Variants in WDR33 observed in about 807,000 individuals in gnomAD.
The protein encoded by WDR33 is WD repeat domain 33.
A neutral mutation model predicts 164.9 loss-of-function variants in WDR33; 47 were observed. The observed-to-expected ratio is 0.29, with a 90% CI of 0.23 to 0.36. The LOEUF (loss-of-function observed/expected upper bound fraction) is 0.36, where lower values mean the gene tolerates loss of function less well. Among genes scored for constraint, WDR33 ranks in the 10% least tolerant of loss-of-function variants. The probability of loss-of-function intolerance (pLI) is 1.00; values close to 1 mark genes in which losing one functional copy is unlikely to be tolerated. For synonymous variants in WDR33, 505 were observed against 589.0 expected, an observed-to-expected ratio of 0.86 and a Z score of 2.06; for missense variants, 1,137 against 1,754.1, an observed-to-expected ratio of 0.65 and a Z score of 6.28.
intron 17 of WDR33, among the ~76,000 whole-genome samples, chr2:127,715,088 C>CTT (rs386391178): frequency 0.011 from 1,230 of 108,508 alleles, 15 homozygotes; most frequent in African/African-American, 0.024. Context: ...TTCTTTGTTT[C>CTT]TTTTTTTTTT....
At chr2:127,711,780 A>ATATTTTTTTTTTTTTTT in intron 18 of WDR33, among the ~76,000 whole-genome samples, 5 of 88,308 alleles carry the variant, frequency 5.7e-5, no homozygotes, top group South Asian at 9.2e-4. Context: ...ATATATATAT[A>ATATTTTTTTTTTTTTTT]TTTTTTTTTT....
chr2:127,788,436 C>A lies in WDR33; in HGVS notation c.-23-17432G>T, dbSNP rs1303616822. Among the ~76,000 whole-genome samples, 23 of 129,162 alleles carry A rather than the reference C, an allele frequency of 1.8e-4. 1 individual carries two copies. The highest frequency in any genetic ancestry group is 6.9e-4 in the African/African-American group (22 of 32,036). 84.7% of individuals were successfully genotyped at this position (129,162 alleles called of 152,430 possible). A position where few individuals can be genotyped will look rare whatever the true frequency, so the allele number is the denominator to read the frequency against. ...CCGGGCGGAGGGCTGACCCCCCCCA[C>A]CTCCCTCCCGGACGGGGCGGCTGGC... On this transcript the variant is annotated intron_variant, in intron 1 of 21. Coordinates refer to ENST00000322313, the MANE Select transcript of WDR33 (RefSeq NM_018383.5).
rs538802540 is a variant in WDR33, at chr2:127,778,689, A to C, written c.-23-7685T>G. Reference sequence around the variant, plus strand: ...ACTTACAGCACCAATCAGCCTTAAGAAGCTTAAATTCTGAGTAAAGTGAGG... The same window carrying C: ...ACTTACAGCACCAATCAGCCTTAAGCAGCTTAAATTCTGAGTAAAGTGAGG... On this transcript the variant is annotated intron_variant, in intron 1 of 21. Coordinates refer to ENST00000322313, the MANE Select transcript of WDR33 (RefSeq NM_018383.5). Among the ~76,000 whole-genome samples the C allele has an allele frequency of 3.3e-5, 5 of 152,274 alleles. No homozygotes were observed. In the East Asian group the frequency reaches 9.6e-4, roughly 29 times the overall value.
intron 1 of WDR33, among the ~76,000 whole-genome samples, chr2:127,795,383 G>A (rs564078524): frequency 4.6e-5 from 7 of 152,026 alleles, no homozygotes; most frequent in Non-Finnish European, 8.8e-5. Flanking sequence ...AAAGGCGTGA[G>A]CCATCGTGCC....
In WDR33 at chr2:127,702,845, G is replaced by C. The variant is rs1017661337; in HGVS notation, c.*3478C>G. The C allele has an allele frequency of 2.4e-5, 4 of 166,728 alleles. No homozygotes were observed. The highest frequency in any genetic ancestry group is 9.7e-5 in the African/African-American group (4 of 41,436). 10.3% of individuals were successfully genotyped at this position (166,728 alleles called of 1,614,324 possible). ...GAAATTTCCTGCCCCAAGAAGCATG[G>C]GATCCAGGAAGGGGCGCGTAGATGC... On this transcript the variant is annotated 3_prime_UTR_variant, in exon 22 of 22. Transcript: ENST00000322313.
Position 127,720,102 on chromosome 2 carries a change from T to C in WDR33, c.1923A>G (p.Pro641=), listed in dbSNP as rs1686400432. ...PQGQMGPQGP[P]LHQGGGGPQG... is the part of the protein sequence containing the mutation. ...GTGGCCCCCCACCTCCCTGATGCAG[T>C]GGAGGACCTTGTGGTCCCATTTGTC... The change falls in exon 16 of 22, where the codon CCA becomes CCG. Residue 641 remains proline (P), a synonymous_variant. Coordinates refer to ENST00000322313, the MANE Select transcript of WDR33 (RefSeq NM_018383.5). The surrounding 1 kb of genome is among the most constrained non-coding windows in gnomAD (Gnocchi z 5.9). 1 of 1,613,938 alleles carries C rather than the reference T, an allele frequency of 6.2e-7. No individual in the cohort carries two copies. Among genetic ancestry groups the C allele is most frequent in the South Asian group, 1.1e-5 (1 of 91,084 alleles).
chr2:127,740,404 TACAC>T (rs1194894929), intron 7 of WDR33, among the ~76,000 whole-genome samples: 2 of 151,202 alleles, frequency 1.3e-5, no homozygotes, highest in East Asian at 3.9e-4. Context: ...CACGCACACA[TACAC>T]ACACGCTGGG....
At chr2:127,808,234 C>G (rs1689507850) in intron 1 of WDR33, among the ~76,000 whole-genome samples, 1 of 151,982 alleles carries the variant, frequency 6.6e-6, no homozygotes, top group African/African-American at 2.4e-5. Flanking sequence ...CACTTTTTAC[C>G]TTTAGGTTTT....
intron 1 of WDR33, among the ~76,000 whole-genome samples, chr2:127,807,508 T>C (rs574277548): frequency 1.3e-5 from 2 of 152,238 alleles, no homozygotes; most frequent in East Asian, 1.9e-4. Flanking sequence ...CAGGTACTAA[T>C]GGGACACAAA....
chr2:127,801,097 T>G (rs1689221487), intron 1 of WDR33, among the ~76,000 whole-genome samples: 1 of 137,558 alleles, frequency 7.3e-6, no homozygotes, highest in South Asian at 2.4e-4. Context: ...TGAGACCCTG[T>G]CTCTAGGAAA....
chr2:127,801,900 G>A (rs1689263299), intron 1 of WDR33, among the ~76,000 whole-genome samples: 1 of 151,866 alleles, frequency 6.6e-6, no homozygotes, highest in Admixed American at 6.6e-5. Context: ...AATGGTTAAG[G>A]CCAGGCACAG....
chr2:127,734,873 C>G (rs1290296446), intron 7 of WDR33, among the ~76,000 whole-genome samples: 1 of 152,092 alleles, frequency 6.6e-6, no homozygotes. Context: ...TTAAAATATG[C>G]TATGTAACCA....
Position 127,704,349 on chromosome 2 carries a change from G to C in WDR33, c.*1974C>G, listed in dbSNP as rs1433337852. 6.0e-6 allele frequency: 1 copy of C among 166,860 alleles called. No homozygotes were observed. Among genetic ancestry groups the C allele is most frequent in the Non-Finnish European group, 1.5e-5 (1 of 68,084 alleles). The allele number at this position is 166,860 out of a possible 1,614,324, so 10.3% of individuals were successfully genotyped here. On this transcript the variant is annotated 3_prime_UTR_variant, in exon 22 of 22. Transcript: ENST00000322313. ...ATTTTTAAATGTGATCTGGTTATCT[G>C]CTTACTGAGATACTATGTTTCTAAA...
At chr2:127,731,321 C>CAGAAA (rs1292142853) in intron 7 of WDR33, among the ~76,000 whole-genome samples, 3 of 129,894 alleles carry the variant, frequency 2.3e-5, no homozygotes, top group African/African-American at 8.8e-5. Flanking sequence ...AAAAAAAACA[C>CAGAAA]AGAAAAGCAA....
At chr2:127,756,393 A>T (rs1372771199) in intron 7 of WDR33, among the ~76,000 whole-genome samples, 1 of 151,860 alleles carries the variant, frequency 6.6e-6, no homozygotes, top group Non-Finnish European at 1.5e-5. Context: ...AAAAAAACCA[A>T]ACCCAGTATT....
chr2:127,744,293 T>G (rs1362092667), intron 7 of WDR33, among the ~76,000 whole-genome samples: 1 of 152,104 alleles, frequency 6.6e-6, no homozygotes, highest in East Asian at 1.9e-4. Flanking sequence ...AATATAAAGG[T>G]ATTAGGAAGC....
Position 127,721,785 on chromosome 2 carries a change from C to T in WDR33, c.1671+51G>A, listed in dbSNP as rs769261638. ...TAAGAGCCTATCAATAAAAATGTCA[C>T]CACTACCCTCTTAGATCATCTTGAA... On this transcript the variant is annotated intron_variant, in intron 15 of 21. Coordinates refer to ENST00000322313, the MANE Select transcript of WDR33 (RefSeq NM_018383.5). This position sits in a 1 kb window ranked among gnomAD's most constrained non-coding sequence, Gnocchi z 4.9. The T allele has an allele frequency of 3.2e-6, 5 of 1,548,702 alleles. No homozygotes were observed. In the South Asian group the frequency reaches 5.0e-5, roughly 16 times the overall value.
In WDR33 at chr2:127,703,483, C is replaced by CTAAG. The variant is rs1209328423; in HGVS notation, c.*2836_*2839dup. 2 of 167,216 alleles carry CTAAG rather than the reference C, an allele frequency of 1.2e-5. No individual in the cohort carries two copies. Among genetic ancestry groups the CTAAG allele is most frequent in the East Asian group, 3.9e-4 (2 of 5,190 alleles). The allele number at this position is 167,216 out of a possible 1,614,324, so 10.4% of individuals were successfully genotyped here. ...TCCTCCAACCCCAAAATTTATGTTC[C>CTAAG]TAAGTAAGTCAGGTCCCTAAGCCCC... On this transcript the variant is annotated 3_prime_UTR_variant, in exon 22 of 22. Coordinates refer to ENST00000322313, the MANE Select transcript of WDR33 (RefSeq NM_018383.5).
Position 127,735,858 on chromosome 2 carries a change from A to C in WDR33, c.725-9081T>G. ...TCACCACAACCCAACAGTCAACATC[A>C]ACTTGGAGTGATTACTATTAGTCAT... On this transcript the variant is annotated intron_variant, in intron 7 of 21. Transcript: ENST00000322313. This position sits in a 1 kb window ranked among gnomAD's most constrained non-coding sequence, Gnocchi z 4.3. The C allele has an allele frequency of 1.0e-6, 1 of 985,444 alleles. No homozygotes were observed. Among genetic ancestry groups the C allele is most frequent in the Non-Finnish European group, 1.2e-6 (1 of 829,924 alleles). The allele number at this position is 985,444 out of a possible 1,614,324, so 61.0% of individuals were successfully genotyped here.
Sources: gnomAD v4.1 joint callset for allele counts (sites outside exome capture counted in the v4.1 genomes callset) on GRCh38, gnomAD v4.1.1 for gene constraint, Gnocchi (gnomAD v3.1) non-coding constraint, MANE v1.5 for transcripts, NCBI Gene and HGNC (gene_info 2026-07-23, HGNC 2026-07-21) for gene names.